LHFPL3: variants seen among roughly 807,000 people sequenced by gnomAD.
LHFPL3 encodes the protein LHFPL tetraspan subfamily member 3, also known as LHFPL tetraspan subfamily member 3 protein.
In LHFPL3, 5 loss-of-function variants were observed where a neutral mutation model predicts 19.3. The observed-to-expected ratio is 0.26, with a 90% confidence interval of 0.14 to 0.54. The LOEUF is 0.54. Among genes scored for constraint, LHFPL3 ranks in the 20% least tolerant of loss-of-function variants. LHFPL3 has a pLI of 0.94. For synonymous variants in LHFPL3, 133 were observed against 126.2 expected (o/e 1.05, Z -0.36); for missense variants, 249 against 307.4 (o/e 0.81, Z 1.42).
intron 2 of LHFPL3, chr7:104,759,861 A>G (rs1794344489): frequency 6.6e-6 from 1 of 152,198 alleles, no homozygotes; most frequent in Admixed American, 6.5e-5. Context: ...TGCAGAGGAG[A>G]AAATCAAGGT....
intron 2 of LHFPL3, among the ~76,000 whole-genome samples, chr7:104,739,248 A>G (rs1223745728): frequency 2.0e-5 from 3 of 152,222 alleles, no homozygotes; most frequent in East Asian, 3.8e-4. Flanking sequence ...TACACTTGCT[A>G]TACAAAGTAG....
chr7:104,446,847 G>A (rs550266641), intron 1 of LHFPL3, among the ~76,000 whole-genome samples: 178 of 152,168 alleles, frequency 1.2e-3, no homozygotes, highest in Non-Finnish European at 2.3e-3. Context: ...ACACCCGGCC[G>A]ATTCTATAGT....
At chr7:104,359,012 G>A (rs1323775416) in intron 1 of LHFPL3, among the ~76,000 whole-genome samples, 1 of 152,180 alleles carries the variant, frequency 6.6e-6, no homozygotes, top group Non-Finnish European at 1.5e-5. Flanking sequence ...CCAGGAAAAT[G>A]GACTCTGACA....
At chr7:104,357,763 C>T (rs1200472748) in intron 1 of LHFPL3, among the ~76,000 whole-genome samples, 2 of 150,782 alleles carry the variant, frequency 1.3e-5, no homozygotes, top group African/African-American at 5.0e-5. Context: ...CCTCTTCCTC[C>T]TCCTCCTCCT....
intron 2 of LHFPL3, among the ~76,000 whole-genome samples, chr7:104,771,461 T>A (rs947232076): frequency 6.6e-6 from 1 of 152,134 alleles, no homozygotes; most frequent in Non-Finnish European, 1.5e-5. Flanking sequence ...TACTGGAAAA[T>A]GCTGCCATTT....
chr7:104,535,913 C>A (rs1297066383), intron 1 of LHFPL3, among the ~76,000 whole-genome samples: 1 of 152,206 alleles, frequency 6.6e-6, no homozygotes, highest in Non-Finnish European at 1.5e-5. Flanking sequence ...CGAGTGCCAT[C>A]GGCACATACC....
Position 104,423,494 on chromosome 7 carries a change from G to A in LHFPL3, c.445+94270G>A, listed in dbSNP as rs375373317. Among the ~76,000 whole-genome samples the A allele has an allele frequency of 2.0e-3, 297 of 152,156 alleles. 2 individuals carry two copies. The highest frequency in any genetic ancestry group is 8.1e-3 in the South Asian group (39 of 4,806). The stretch of plus-strand genomic sequence containing the variant: ...CTGGGCATGGTGGTGCATGCCTACC[G>A]TCCCAGCTACTCCTGATCACAGAAT... On this transcript the variant is annotated intron_variant, in intron 1 of 2. Coordinates refer to ENST00000424859, the MANE Select transcript of LHFPL3 (RefSeq NM_199000.3).
At chr7:104,521,478 G>A (rs1794062204) in intron 1 of LHFPL3, among the ~76,000 whole-genome samples, 1 of 152,206 alleles carries the variant, frequency 6.6e-6, no homozygotes, top group East Asian at 1.9e-4. Flanking sequence ...ATAGGCATGG[G>A]CAAGGACTTC....
chr7:104,849,606 A>G (rs1171712814), intron 2 of LHFPL3, among the ~76,000 whole-genome samples: 1 of 152,284 alleles, frequency 6.6e-6, no homozygotes, highest in Non-Finnish European at 1.5e-5. Flanking sequence ...ATGAAGATCC[A>G]AAGATTCAGG....
chr7:104,879,767 CA>C (rs1792013070), intron 2 of LHFPL3, among the ~76,000 whole-genome samples: 3 of 152,328 alleles, frequency 2.0e-5, no homozygotes, highest in African/African-American at 7.2e-5. Flanking sequence ...GCAAGTTATC[CA>C]GAAGATCTAG....
At chr7:104,804,341 T>G (rs1481185933) in intron 2 of LHFPL3, among the ~76,000 whole-genome samples, 1 of 152,184 alleles carries the variant, frequency 6.6e-6, no homozygotes, top group African/African-American at 2.4e-5. Context: ...TAGGTATAAT[T>G]ACCAGAAGGA....
chr7:104,880,026 C>G (rs1792016680), intron 2 of LHFPL3, among the ~76,000 whole-genome samples: 1 of 151,550 alleles, frequency 6.6e-6, no homozygotes, highest in South Asian at 2.1e-4. Context: ...ATAGTGAGAA[C>G]TCTGTCTCTT....
chr7:104,827,079 T>C (rs1469235812), intron 2 of LHFPL3, among the ~76,000 whole-genome samples: 2 of 151,902 alleles, frequency 1.3e-5, no homozygotes, highest in Non-Finnish European at 2.9e-5. Flanking sequence ...GACTAGAACT[T>C]TGATTATCGT....
intron 1 of LHFPL3, among the ~76,000 whole-genome samples, chr7:104,634,673 G>A (rs1391029293): frequency 6.6e-6 from 1 of 152,176 alleles, no homozygotes. Flanking sequence ...CTAAGCTGAA[G>A]ACTGTGGGAT....
At chr7:104,374,208 ATG>A (rs1006955104) in intron 1 of LHFPL3, among the ~76,000 whole-genome samples, 17,588 of 146,792 alleles carry the variant, frequency 0.12, 1,098 homozygotes, top group African/African-American at 0.14. Flanking sequence ...CTATCTATAT[ATG>A]TGTGTGTGTG....
chr7:104,692,217 G>A (rs1250694955), intron 1 of LHFPL3, among the ~76,000 whole-genome samples: 1 of 152,176 alleles, frequency 6.6e-6, no homozygotes, highest in African/African-American at 2.4e-5. Context: ...ATGTTTAAAA[G>A]GGAAGCAGAG....
chr7:104,772,893 T>C (rs1047608049), intron 2 of LHFPL3, among the ~76,000 whole-genome samples: 4 of 152,240 alleles, frequency 2.6e-5, no homozygotes, highest in African/African-American at 9.6e-5. Context: ...CTTTATTGGG[T>C]AATTACCTTA....
chr7:104,792,052 T>C (rs1223805128), intron 2 of LHFPL3, among the ~76,000 whole-genome samples: 1 of 152,134 alleles, frequency 6.6e-6, no homozygotes, highest in African/African-American at 2.4e-5. Flanking sequence ...TCAATACTGG[T>C]GATGAAAGAA....
chr7:104,750,049 T>TG (rs1794132814), intron 2 of LHFPL3, among the ~76,000 whole-genome samples: 1 of 152,206 alleles, frequency 6.6e-6, no homozygotes, highest in Non-Finnish European at 1.5e-5. Context: ...ACCCCATTGT[T>TG]GTAATAAATC....
Sources: allele counts gnomAD v4.1 joint callset (sites outside exome capture counted in the v4.1 genomes callset), GRCh38; gene constraint gnomAD v4.1.1; transcripts MANE v1.5; gene names NCBI Gene and HGNC (gene_info 2026-07-23, HGNC 2026-07-21).